The following NOS1AP variants were observed in gnomAD, a reference collection of about 807,000 sequenced individuals.
The protein encoded by NOS1AP is nitric oxide synthase 1 adaptor protein, also known as carboxyl-terminal PDZ ligand of neuronal nitric oxide synthase protein.
In NOS1AP, 21 loss-of-function variants were observed where a neutral mutation model predicts 56.2. The observed-to-expected ratio is 0.37, with a 90% CI of 0.26 to 0.54. The LOEUF (loss-of-function observed/expected upper bound fraction) is 0.54. Among genes scored for constraint, NOS1AP ranks in the 20% least tolerant of loss-of-function variants. NOS1AP has a pLI of 0.84. For synonymous variants in NOS1AP, 270 were observed against 274.6 expected (o/e 0.98, Z 0.17); for missense variants, 522 against 657.8 (o/e 0.79, Z 2.26).
intron 2 of NOS1AP, among the ~76,000 whole-genome samples, chr1:162,211,825 C>T (rs1038474312): frequency 2.0e-5 from 3 of 152,148 alleles, no homozygotes; most frequent in Non-Finnish European, 4.4e-5. Flanking sequence ...GTCCTGCCAT[C>T]GGAGGGACTG....
rs3795645 is a variant in NOS1AP at position 162,168,640 on chromosome 1, G to A, written c.177+14164G>A. Among the ~76,000 whole-genome samples the A allele has an allele frequency of 3.8e-3, 576 of 151,268 alleles. 9 individuals are homozygous for A. The highest frequency in any genetic ancestry group is 0.024 in the Admixed American group (365 of 15,148). On this transcript the variant is annotated intron_variant, in intron 2 of 9. Transcript: ENST00000361897. Reference sequence around the variant, plus strand: ...TTGTGCTGAGGCTTGTGGGCAGGGGGGTGTGTTTCTCTTTCCTTCTCCCCT... The same window carrying A: ...TTGTGCTGAGGCTTGTGGGCAGGGGAGTGTGTTTCTCTTTCCTTCTCCCCT...
intron 2 of NOS1AP, among the ~76,000 whole-genome samples, chr1:162,235,695 T>C (rs1292611672): frequency 6.6e-6 from 1 of 152,158 alleles, no homozygotes; most frequent in South Asian, 2.1e-4. Flanking sequence ...ACTGCATCAC[T>C]AGAGGCCAAG....
chr1:162,148,018 C>G (rs899212769), intron 1 of NOS1AP, among the ~76,000 whole-genome samples: 16 of 152,160 alleles, frequency 1.1e-4, no homozygotes, highest in African/African-American at 3.6e-4. Flanking sequence ...CATACCACCC[C>G]TCTCGGTAAA....
intron 5 of NOS1AP, among the ~76,000 whole-genome samples, chr1:162,339,101 G>T (rs575255175): frequency 6.6e-6 from 1 of 152,158 alleles, no homozygotes; most frequent in African/African-American, 2.4e-5. Context: ...ACAGTTTTAA[G>T]CTCCCTTTCC....
At chr1:162,358,951 A>G (rs1471786912) in intron 8 of NOS1AP, among the ~76,000 whole-genome samples, 1 of 152,242 alleles carries the variant, frequency 6.6e-6, no homozygotes, top group African/African-American at 2.4e-5. Flanking sequence ...CAAAGCAACA[A>G]GACATGTAAC....
At chr1:162,173,192 C>T (rs1041406019) in intron 2 of NOS1AP, among the ~76,000 whole-genome samples, 19 of 152,124 alleles carry the variant, frequency 1.2e-4, no homozygotes, top group African/African-American at 3.1e-4. Flanking sequence ...ATATTTTTGA[C>T]GGGGTTTCAC....
intron 2 of NOS1AP, among the ~76,000 whole-genome samples, chr1:162,219,368 T>G (rs1297172845): frequency 6.6e-6 from 1 of 152,174 alleles, no homozygotes; most frequent in Non-Finnish European, 1.5e-5. Context: ...AGGCTCCTGT[T>G]TCCATCTTCC....
chr1:162,190,237 CAG>C (rs959962104), intron 2 of NOS1AP, among the ~76,000 whole-genome samples: 19 of 152,244 alleles, frequency 1.2e-4, no homozygotes, highest in Non-Finnish European at 2.5e-4. Context: ...GATAGCCCTT[CAG>C]ATACTTGGCT....
chr1:162,071,167 C>T (rs1691653100), intron 1 of NOS1AP, among the ~76,000 whole-genome samples: 1 of 152,080 alleles, frequency 6.6e-6, no homozygotes, highest in Non-Finnish European at 1.5e-5. Context: ...TCCTTCAAGC[C>T]ACTTGACCTC....
At chr1:162,071,907 T>G (rs1404798520) in intron 1 of NOS1AP, among the ~76,000 whole-genome samples, 1 of 152,114 alleles carries the variant, frequency 6.6e-6, no homozygotes, top group Non-Finnish European at 1.5e-5. Flanking sequence ...TTTAAAGTGT[T>G]TTTAAGGCTA....
intron 2 of NOS1AP, among the ~76,000 whole-genome samples, chr1:162,170,879 C>G (rs1650743217): frequency 6.6e-6 from 1 of 151,058 alleles, no homozygotes; most frequent in South Asian, 2.1e-4. Flanking sequence ...GCGGAGGTTG[C>G]AGTGAGCTGA....
chr1:162,134,485 T>TAA (rs66940059), intron 1 of NOS1AP, among the ~76,000 whole-genome samples: 6,438 of 92,316 alleles, frequency 0.07, 198 homozygotes, highest in Middle Eastern at 0.12. Context: ...AGACTTTGTC[T>TAA]AAAAAAAAAA....
intron 2 of NOS1AP, among the ~76,000 whole-genome samples, chr1:162,232,557 A>AGTGT (rs745917319): frequency 6.9e-4 from 103 of 148,644 alleles, no homozygotes; most frequent in African/African-American, 2.4e-3. Context: ...TGTGTGTCTA[A>AGTGT]GTGTGTGTGT....
chr1:162,259,751 A>G (rs996420604), intron 2 of NOS1AP, among the ~76,000 whole-genome samples: 1 of 152,192 alleles, frequency 6.6e-6, no homozygotes, highest in Non-Finnish European at 1.5e-5. Flanking sequence ...AGAGTTGCAG[A>G]TCTTATTTTT....
intron 2 of NOS1AP, among the ~76,000 whole-genome samples, chr1:162,258,123 T>G (rs767950177): frequency 3.3e-5 from 5 of 152,188 alleles, no homozygotes; most frequent in Non-Finnish European, 7.3e-5. Flanking sequence ...TCTGCACAAG[T>G]GCTCGCTGCT....
At chr1:162,180,123 TCA>T (rs1421955557) in intron 2 of NOS1AP, among the ~76,000 whole-genome samples, 1 of 152,182 alleles carries the variant, frequency 6.6e-6, no homozygotes, top group African/African-American at 2.4e-5. Context: ...ATCCAAATAT[TCA>T]CCAATGAAGC....
At chr1:162,133,969 A>G (rs1648870250) in intron 1 of NOS1AP, among the ~76,000 whole-genome samples, 1 of 152,232 alleles carries the variant, frequency 6.6e-6, no homozygotes, top group Non-Finnish European at 1.5e-5. Context: ...TTGATGTGAG[A>G]TAAGCTAACT....
At chr1:162,210,275 C>G (rs1652307430) in intron 2 of NOS1AP, among the ~76,000 whole-genome samples, 1 of 152,036 alleles carries the variant, frequency 6.6e-6, no homozygotes, top group African/African-American at 2.4e-5. Context: ...GCTGTGGGGC[C>G]CAGCTCGACC....
chr1:162,088,622 G>A (rs190702410), intron 1 of NOS1AP, among the ~76,000 whole-genome samples: 2 of 152,278 alleles, frequency 1.3e-5, no homozygotes, highest in Admixed American at 1.3e-4. Flanking sequence ...CAGGTAGGAG[G>A]GTGGTGGTGA....
Sources: gnomAD v4.1 joint callset for allele counts (sites outside exome capture counted in the v4.1 genomes callset) on GRCh38, gnomAD v4.1.1 for gene constraint, MANE v1.5 for transcripts, NCBI Gene and HGNC (gene_info 2026-07-23, HGNC 2026-07-21) for gene names.